Variants in ARID1B observed in about 807,000 individuals in gnomAD.
ARID1B encodes AT-rich interaction domain 1B.
Under a neutral mutation model 212.3 loss-of-function variants are expected in ARID1B, and 30 were observed. The ratio of observed to expected loss-of-function variants is 0.14; its 90% CI spans 0.11 to 0.19. The LOEUF (loss-of-function observed/expected upper bound fraction) is 0.19, where lower values mean the gene tolerates loss of function less well. Ranked by LOEUF, ARID1B falls within the 10% of genes least tolerant of loss-of-function variation. ARID1B has a pLI of 1.00. For missense variants in ARID1B, 2,891 were observed against 3,204.0 expected (o/e 0.90, Z 2.36); for synonymous variants, 1,402 against 1,301.7 (o/e 1.08, Z -1.66).
At chr6:157,144,149 T>C (rs1789561749) in intron 7 of ARID1B, among the ~76,000 whole-genome samples, 1 of 152,216 alleles carries the variant, frequency 6.6e-6, no homozygotes, top group South Asian at 2.1e-4. Flanking sequence ...TAACTTAACA[T>C]CTCAGTAGTT....
chr6:156,865,191 G>T (rs1215580325), intron 2 of ARID1B, among the ~76,000 whole-genome samples: 1 of 152,048 alleles, frequency 6.6e-6, no homozygotes, highest in Non-Finnish European at 1.5e-5. Flanking sequence ...TTGGATCTTT[G>T]GTTTCCTGGA....
chr6:157,152,451 C>T (rs1790266989), intron 8 of ARID1B: 1 of 152,152 alleles, frequency 6.6e-6, no homozygotes, highest in Admixed American at 6.5e-5. Flanking sequence ...TCTTATAAAG[C>T]ACACTTGGCA....
intron 4 of ARID1B, among the ~76,000 whole-genome samples, chr6:157,033,203 G>C (rs1261409918): frequency 6.6e-6 from 1 of 152,184 alleles, no homozygotes; most frequent in Non-Finnish European, 1.5e-5. Context: ...GCAAGGCTGT[G>C]ATTTGAATAA....
In ARID1B at chr6:157,110,569, T is replaced by C; in HGVS notation, c.2581+8T>C. 1 of 1,613,906 alleles carries C rather than the reference T, an allele frequency of 6.2e-7. No individual in the cohort carries two copies. The highest frequency in any genetic ancestry group is 8.5e-7 in the Non-Finnish European group (1 of 1,179,754). Reference sequence around the variant, plus strand: ...CAATGCCACAGGAAAGAGGTTCGTCTCCAGTTCATGTCTTACATGCCTATA... The same window carrying C: ...CAATGCCACAGGAAAGAGGTTCGTCCCCAGTTCATGTCTTACATGCCTATA... On this transcript the variant is annotated splice_region_variant and intron_variant, in intron 6 of 19. Transcript: ENST00000636930.
At position 157,207,130 on chromosome 6, in the gene ARID1B, A is replaced by C. The variant is rs1286532090; in HGVS notation, c.6358A>C (p.Lys2120Gln). 3 of 1,614,004 alleles carry C rather than the reference A, an allele frequency of 1.9e-6. No individual in the cohort carries two copies. Among genetic ancestry groups the C allele is most frequent in the African/African-American group, 2.7e-5 (2 of 74,894 alleles). Residue 2120 changes from lysine (K) to glutamine (Q), a missense_variant, in exon 20 of 20, where the codon AAA becomes CAA. Lys to Gln is a moderately conservative substitution (Grantham distance 53). This residue lies in a region of ARID1B where 41 missense variants were observed against 40.4 expected (regional missense o/e 1.01). Transcript: ENST00000636930. The surrounding 1 kb of genome is among the most constrained non-coding windows in gnomAD (Gnocchi z 8.5). ...ERKRAPQTYE[K>Q]EEDEDKGVAC... ...AAAGCGAGCACCGCAGACCTATGAG[A>C]AAGAGGAGGATGAGGACAAGGGGGT...
chr6:157,055,427 T>C (rs1377788890), intron 4 of ARID1B, among the ~76,000 whole-genome samples: 1 of 152,204 alleles, frequency 6.6e-6, no homozygotes, highest in Non-Finnish European at 1.5e-5. Flanking sequence ...ATTTTTGCTT[T>C]AAAAAGAAAA....
chr6:157,208,143 T>C lies in ARID1B; in HGVS notation c.*252T>C, dbSNP rs929068226. ...TTCTCTTTTTTTTAACCAAAGTTGC[T>C]GTCTAGTGCATTCAAAGGTCACTTT... On this transcript the variant is annotated 3_prime_UTR_variant, in exon 20 of 20. Coordinates refer to ENST00000636930, the MANE Select transcript of ARID1B (RefSeq NM_001374828.1). 1.4e-5 allele frequency: 5 copies of C among 356,592 alleles called. No individual in the cohort carries two copies. Among genetic ancestry groups the C allele is most frequent in the Non-Finnish European group, 2.5e-5 (5 of 203,866 alleles). The allele number at this position is 356,592 out of a possible 1,614,324, so 22.1% of individuals were successfully genotyped here.
chr6:156,983,323 C>T (rs1025363802), intron 4 of ARID1B, among the ~76,000 whole-genome samples: 2 of 150,170 alleles, frequency 1.3e-5, no homozygotes, highest in Non-Finnish European at 3.0e-5. Context: ...TGAACCCAGG[C>T]GGCAGAGGTT....
chr6:156,829,692 A>C (rs1783008787), intron 2 of ARID1B: 1 of 338,650 alleles, frequency 3.0e-6, no homozygotes, highest in South Asian at 6.0e-5. Flanking sequence ...AATTTGCAGC[A>C]GGTTATAACA....
chr6:156,966,368 T>A (rs2128335082), intron 4 of ARID1B, among the ~76,000 whole-genome samples: 1 of 149,154 alleles, frequency 6.7e-6, no homozygotes, highest in Admixed American at 6.7e-5. Context: ...CAGACATAAA[T>A]AACTTTTCTT....
At chr6:156,934,461 A>G (rs974681854) in intron 3 of ARID1B, among the ~76,000 whole-genome samples, 2 of 152,132 alleles carry the variant, frequency 1.3e-5, no homozygotes, top group African/African-American at 2.4e-5. Context: ...TGTTAATTAT[A>G]AGTTTATTGT....
At chr6:157,005,233 T>C (rs1779176592) in intron 4 of ARID1B, among the ~76,000 whole-genome samples, 1 of 151,974 alleles carries the variant, frequency 6.6e-6, no homozygotes, top group Non-Finnish European at 1.5e-5. Context: ...GGCTCATTGC[T>C]ACCTTCACCT....
At chr6:157,118,550 T>C (rs1354312910) in intron 6 of ARID1B, among the ~76,000 whole-genome samples, 1 of 152,198 alleles carries the variant, frequency 6.6e-6, no homozygotes, top group Non-Finnish European at 1.5e-5. Flanking sequence ...AAGATGAAAA[T>C]AAACTCAAAT....
At chr6:156,888,527 C>T (rs573518409) in intron 2 of ARID1B, among the ~76,000 whole-genome samples, 7 of 152,260 alleles carry the variant, frequency 4.6e-5, no homozygotes, top group Admixed American at 1.3e-4. Flanking sequence ...ATGACATTCA[C>T]GAATTCAAAA....
intron 4 of ARID1B, chr6:156,941,065 T>C (rs187505370): frequency 2.0e-5 from 3 of 152,284 alleles, no homozygotes; most frequent in Admixed American, 1.3e-4. Context: ...CTTATGAACA[T>C]TAAAAAAATT....
At chr6:157,000,696 CTTTTTTT>C (rs10536002) in intron 4 of ARID1B, among the ~76,000 whole-genome samples, 5 of 99,228 alleles carry the variant, frequency 5.0e-5, no homozygotes, top group African/African-American at 1.2e-4. Context: ...TCTAATTATT[CTTTTTTT>C]TTTTTTTTTT....
chr6:157,184,429 T>G lies in ARID1B; in HGVS notation c.3913T>G (p.Ser1305Ala). Residue 1305 changes from serine (S) to alanine (A), a missense_variant, in exon 13 of 20, where the codon TCT becomes GCT. Ser to Ala is a moderately conservative substitution (Grantham distance 99). Coordinates refer to ENST00000636930, the MANE Select transcript of ARID1B (RefSeq NM_001374828.1). ...AAAGCAGCCCAAGCTCCAGCCGCCA[T>G]CTCCTGGTAAGTGGCGGCGCTGCAG... is the stretch of plus-strand genomic sequence containing the variant. ...TKKQPKLQPPSPANSGSLQGP... is the reference protein window; with the variant it reads ...TKKQPKLQPPAPANSGSLQGP... 6.2e-7 allele frequency: 1 copy of G among 1,613,930 alleles called. No homozygotes were observed. Among genetic ancestry groups the G allele is most frequent in the Non-Finnish European group, 8.5e-7 (1 of 1,180,002 alleles).
At chr6:157,125,663 C>G (rs1256345965) in intron 6 of ARID1B, among the ~76,000 whole-genome samples, 1 of 152,326 alleles carries the variant, frequency 6.6e-6, no homozygotes, top group Non-Finnish European at 1.5e-5. Context: ...CTGATACTCT[C>G]ATAGCACCTG....
At chr6:157,008,937 C>T (rs990839837) in intron 4 of ARID1B, among the ~76,000 whole-genome samples, 8 of 152,172 alleles carry the variant, frequency 5.3e-5, no homozygotes, top group African/African-American at 1.9e-4. Context: ...GATGTTTGGG[C>T]TTCCTTTAAG....
Sources: gnomAD v4.1 joint callset for allele counts (sites outside exome capture counted in the v4.1 genomes callset) on GRCh38, gnomAD v4.1.1 for gene constraint, gnomAD v4.1.1 regional missense constraint, Gnocchi (gnomAD v3.1) non-coding constraint, MANE v1.5 for transcripts, NCBI Gene and HGNC (gene_info 2026-07-23, HGNC 2026-07-21) for gene names.